Variants in KREMEN1 observed in about 807,000 individuals in gnomAD.
KREMEN1 encodes kremen protein 1.
In KREMEN1, 30 loss-of-function variants were observed where a neutral mutation model predicts 46.5. The ratio of observed to expected loss-of-function variants is 0.65; its 90% confidence interval spans 0.48 to 0.88. The LOEUF (loss-of-function observed/expected upper bound fraction) is 0.88, where lower values mean the gene tolerates loss of function less well. KREMEN1 is among the 40% of genes least tolerant of loss of function. KREMEN1 has a pLI of 0.00. For missense variants in KREMEN1, 533 were observed against 596.9 expected (o/e 0.89, Z 1.11); for synonymous variants, 214 against 230.6 (o/e 0.93, Z 0.65).
intron 5 of KREMEN1, 64 bp from the exon 6 acceptor site, chr22:29,137,278 T>G: frequency 8.6e-7 from 1 of 1,167,046 alleles, no homozygotes; most frequent in East Asian, 2.6e-5. Context: ...AGTGCCTTGG[T>G]GTTGGAAGCG....
chr22:29,119,159 G>A (rs958712342), intron 3 of KREMEN1, among the ~76,000 whole-genome samples: 3 of 152,058 alleles, frequency 2.0e-5, no homozygotes, highest in Non-Finnish European at 4.4e-5. Context: ...ACCAGCCTGA[G>A]CAACATAGTG....
chr22:29,146,082 CAG>C lies in KREMEN1; in HGVS notation c.*3971_*3972del, dbSNP rs1476590383. 1.0e-6 allele frequency: 1 copy of C among 985,838 alleles called. No individual in the cohort carries two copies. Among genetic ancestry groups the C allele is most frequent in the Non-Finnish European group, 1.2e-6 (1 of 830,048 alleles). The allele number at this position is 985,838 out of a possible 1,614,324, so 61.1% of individuals were successfully genotyped here. On this transcript the variant is annotated 3_prime_UTR_variant, in exon 9 of 9. Coordinates refer to ENST00000400335, the MANE Select transcript of KREMEN1 (RefSeq NM_001039570.3). ...CCTCCCTGGTCTGCTGAGGTCAGGC[CAG>C]GTCTCCCACGGAGCCGGGCAGCTCC...
chr22:29,074,984 C>T (rs892030970), intron 1 of KREMEN1, among the ~76,000 whole-genome samples: 2 of 152,140 alleles, frequency 1.3e-5, no homozygotes, highest in African/African-American at 4.8e-5. Flanking sequence ...CTCATTTACC[C>T]TGGGAATGCT....
chr22:29,094,257 G>C lies in KREMEN1; in HGVS notation c.98-1G>C. The C allele has an allele frequency of 6.3e-7, 1 of 1,596,492 alleles. No individual in the cohort carries two copies. Among genetic ancestry groups the C allele is most frequent in the Non-Finnish European group, 8.5e-7 (1 of 1,174,232 alleles). On this transcript the variant is annotated splice_acceptor_variant, in intron 1 of 8. Coordinates refer to ENST00000400335, the MANE Select transcript of KREMEN1 (RefSeq NM_001039570.3). LOFTEE classifies it high-confidence loss of function. ...TTTGCTCTGTCTTTTTTTTCTTCTA[G>C]AGTGTTTCACAGCCAATGGTGCGGA...
intron 5 of KREMEN1, among the ~76,000 whole-genome samples, chr22:29,136,286 A>G (rs1187150760): frequency 6.7e-6 from 1 of 148,954 alleles, no homozygotes; most frequent in African/African-American, 2.5e-5. Context: ...TTTAAATCCT[A>G]GCCCTGGCCG....
chr22:29,099,079 G>A, intron 3 of KREMEN1, 126 bp downstream of exon 3: 1 of 672,474 alleles, frequency 1.5e-6, no homozygotes, highest in Non-Finnish European at 2.6e-6. Flanking sequence ...GAAAGGAGAA[G>A]CCATCCTGGG....
At chr22:29,127,486 C>A (rs2038463633) in intron 5 of KREMEN1, among the ~76,000 whole-genome samples, 1 of 152,094 alleles carries the variant, frequency 6.6e-6, no homozygotes, top group Admixed American at 6.5e-5. Flanking sequence ...CATGGTGAAA[C>A]CCCATCTCTA....
chr22:29,112,676 A>G (rs2038171094), intron 3 of KREMEN1, among the ~76,000 whole-genome samples: 1 of 152,212 alleles, frequency 6.6e-6, no homozygotes. Context: ...TTTGTATGTT[A>G]AGATAATTTT....
chr22:29,113,097 A>G (rs1267611912), intron 3 of KREMEN1, among the ~76,000 whole-genome samples: 3 of 152,208 alleles, frequency 2.0e-5, no homozygotes, highest in African/African-American at 7.2e-5. Context: ...GACTGGTCCT[A>G]TAAGAAAAGG....
Position 29,073,359 on chromosome 22 carries a change from G to A in KREMEN1, c.97+132G>A, listed in dbSNP as rs1178001464. 32 of 244,570 alleles carry A rather than the reference G, an allele frequency of 1.3e-4. No individual in the cohort carries two copies. In the Admixed American group the frequency reaches 1.9e-3, roughly 14 times the overall value. 15.1% of individuals were successfully genotyped at this position (244,570 alleles called of 1,614,324 possible). ...GGGCCCCTTCCCCTCGCCCCTAGGCGACGCCCCTCAGGCCGGGATGGTCCC... is the reference window on the plus strand; with the variant it reads ...GGGCCCCTTCCCCTCGCCCCTAGGCAACGCCCCTCAGGCCGGGATGGTCCC... On this transcript the variant is annotated intron_variant, in intron 1 of 8. Transcript: ENST00000400335. The surrounding 1 kb of genome is among the most constrained non-coding windows in gnomAD (Gnocchi z 4.4).
chr22:29,114,482 G>A (rs930620536), intron 3 of KREMEN1, among the ~76,000 whole-genome samples: 13 of 91,248 alleles, frequency 1.4e-4, no homozygotes, highest in Admixed American at 9.9e-4. Context: ...GTGAAACTCC[G>A]TGTCAAAAAA....
chr22:29,131,558 A>ATG (rs1458308421), intron 5 of KREMEN1, among the ~76,000 whole-genome samples: 16 of 59,650 alleles, frequency 2.7e-4, no homozygotes, highest in South Asian at 9.0e-4. Context: ...ATATATATAT[A>ATG]TATGTGTGTG....
At chr22:29,112,362 A>G (rs1185201520) in intron 3 of KREMEN1, among the ~76,000 whole-genome samples, 4 of 152,146 alleles carry the variant, frequency 2.6e-5, no homozygotes, top group African/African-American at 9.7e-5. Context: ...TGCTCTGAGA[A>G]GGTGCTGTGG....
chr22:29,118,758 G>GA (rs753396452), intron 3 of KREMEN1, among the ~76,000 whole-genome samples: 19 of 152,060 alleles, frequency 1.2e-4, no homozygotes, highest in African/African-American at 4.6e-4. Context: ...GTAATAGGGG[G>GA]AAAAAACCTT....
chr22:29,094,572 T>TACACACACACACACACACAC (rs134658), intron 2 of KREMEN1, 152 bp downstream of exon 2: 28 of 253,940 alleles, frequency 1.1e-4, no homozygotes, highest in African/African-American at 5.7e-4. Flanking sequence ...TTTCACACCT[T>TACACACACACACACACACAC]ACACACACAC....
chr22:29,138,498 A>G (rs1237510503), intron 6 of KREMEN1, 126 bp from the exon 7 acceptor site: 2 of 949,594 alleles, frequency 2.1e-6, no homozygotes, highest in Non-Finnish European at 3.3e-6. Context: ...GGACCCACCT[A>G]TGGAAGGAAT....
At chr22:29,147,364 T>C (rs2038879682), downstream of KREMEN1, among the ~76,000 whole-genome samples, 1 of 152,208 alleles carries the variant, frequency 6.6e-6, no homozygotes, top group Admixed American at 6.5e-5. Flanking sequence ...GCTCCACGTA[T>C]GAGCTGCCCA....
intron 9 of KREMEN1, among the ~76,000 whole-genome samples, chr22:29,162,543 C>A (rs1263371244): frequency 6.6e-6 from 1 of 152,014 alleles, no homozygotes; most frequent in Non-Finnish European, 1.5e-5. Flanking sequence ...ATGGTGAAAC[C>A]CCGTTTCCAC....
chr22:29,132,773 T>A (rs2038582624), intron 5 of KREMEN1, among the ~76,000 whole-genome samples: 1 of 152,262 alleles, frequency 6.6e-6, no homozygotes, highest in African/African-American at 2.4e-5. Context: ...TTATTTCACC[T>A]GCATTTTTTT....
Sources: allele counts gnomAD v4.1 joint callset (sites outside exome capture counted in the v4.1 genomes callset), GRCh38; gene constraint gnomAD v4.1.1; non-coding constraint Gnocchi (gnomAD v3.1); transcripts MANE v1.5; gene names NCBI Gene and HGNC (gene_info 2026-07-23, HGNC 2026-07-21).